Variants in SERGEF observed in about 807,000 individuals in gnomAD.
SERGEF encodes secretion-regulating guanine nucleotide exchange factor.
In SERGEF, 51 loss-of-function variants were observed where a neutral mutation model predicts 50.0. The observed-to-expected ratio is 1.02, with a 90% CI of 0.81 to 1.29. The LOEUF (loss-of-function observed/expected upper bound fraction) is 1.29. Among genes scored for constraint, SERGEF ranks in the 50% most tolerant of loss-of-function variants. SERGEF has a pLI of 0.00. For synonymous variants in SERGEF, 205 were observed against 212.4 expected (o/e 0.97, Z 0.30); for missense variants, 521 against 557.0 (o/e 0.94, Z 0.65).
chr11:17,890,659 G>A (rs1003103024), intron 9 of SERGEF, among the ~76,000 whole-genome samples: 3 of 152,112 alleles, frequency 2.0e-5, no homozygotes, highest in Non-Finnish European at 4.4e-5. Flanking sequence ...GGGCTCAAGC[G>A]ATACTCCCAC....
intron 10 of SERGEF, among the ~76,000 whole-genome samples, chr11:17,820,718 G>C (rs1030501362): frequency 6.6e-6 from 1 of 152,138 alleles, no homozygotes; most frequent in African/African-American, 2.4e-5. Flanking sequence ...ATGGAAAAAG[G>C]GTCTTTGCAC....
chr11:17,946,006 C>A (rs2133959865), intron 9 of SERGEF, among the ~76,000 whole-genome samples: 1 of 151,974 alleles, frequency 6.6e-6, no homozygotes, highest in Non-Finnish European at 1.5e-5. Context: ...AAAACAAAAA[C>A]TCAAAGGTGA....
At chr11:17,906,700 T>C (rs1851848649) in intron 9 of SERGEF, among the ~76,000 whole-genome samples, 1 of 152,156 alleles carries the variant, frequency 6.6e-6, no homozygotes, top group Admixed American at 6.5e-5. Context: ...AATCAGATAC[T>C]GCAGCCGGCA....
chr11:17,857,486 TA>T (rs1850843477), intron 10 of SERGEF, among the ~76,000 whole-genome samples: 1 of 152,218 alleles, frequency 6.6e-6, no homozygotes, highest in Non-Finnish European at 1.5e-5. Context: ...ATTAAAATTT[TA>T]AAAAGCATCT....
intron 10 of SERGEF, among the ~76,000 whole-genome samples, chr11:17,852,524 G>A (rs1352401109): frequency 6.6e-6 from 1 of 152,184 alleles, no homozygotes; most frequent in Non-Finnish European, 1.5e-5. Flanking sequence ...TTTGGCTCAG[G>A]TAGGTGGAAT....
Position 17,790,385 on chromosome 11 carries a change from G to A in SERGEF, c.1049-1972C>T, listed in dbSNP as rs942284506. Among the ~76,000 whole-genome samples the A allele has an allele frequency of 4.7e-5, 7 of 150,158 alleles. No individual in the cohort carries two copies. The East Asian group carries it at 5.8e-4, about 13-fold the overall frequency. ...GCTCTTTACACTCATCATTGTTTTC[G>A]AAATTTATCTGAGCTGGTAGTTACA... On this transcript the variant is annotated intron_variant, in intron 10 of 10. Transcript: ENST00000265965.
chr11:17,863,983 G>A (rs1404048692), intron 10 of SERGEF, among the ~76,000 whole-genome samples: 2 of 152,236 alleles, frequency 1.3e-5, no homozygotes, highest in African/African-American at 4.8e-5. Flanking sequence ...ACATTTCCCA[G>A]ATGGGGATTC....
intron 9 of SERGEF, among the ~76,000 whole-genome samples, chr11:17,946,108 A>G (rs1852655752): frequency 6.6e-6 from 1 of 152,206 alleles, no homozygotes; most frequent in African/African-American, 2.4e-5. Flanking sequence ...ACTGCTTCTC[A>G]TTATACAGAT....
At chr11:17,998,842 A>C (rs534684322) in intron 5 of SERGEF, among the ~76,000 whole-genome samples, 30 of 151,514 alleles carry the variant, frequency 2.0e-4, no homozygotes, top group African/African-American at 6.8e-4. Flanking sequence ...AAAAAAAAAA[A>C]AACTCACGAG....
intron 9 of SERGEF, among the ~76,000 whole-genome samples, chr11:17,955,411 A>G (rs1482981565): frequency 1.3e-5 from 2 of 152,186 alleles, no homozygotes; most frequent in Non-Finnish European, 2.9e-5. Flanking sequence ...ACAGGTGTCA[A>G]CCAATGTTTA....
chr11:17,817,273 G>A (rs187138718), intron 10 of SERGEF, among the ~76,000 whole-genome samples: 2 of 150,162 alleles, frequency 1.3e-5, no homozygotes, highest in African/African-American at 2.5e-5. Context: ...AGAATGCAGT[G>A]GCGCGATCTT....
intron 9 of SERGEF, among the ~76,000 whole-genome samples, chr11:17,958,184 G>A (rs765963365): frequency 3.3e-5 from 5 of 152,308 alleles, no homozygotes; most frequent in Admixed American, 2.0e-4. Flanking sequence ...ATTGAGAAGC[G>A]TCCTACATAC....
At chr11:17,865,176 G>T (rs1183565449) in intron 10 of SERGEF, among the ~76,000 whole-genome samples, 1 of 152,130 alleles carries the variant, frequency 6.6e-6, no homozygotes, top group East Asian at 1.9e-4. Flanking sequence ...TGCCATAGTA[G>T]CTGTGATAAT....
intron 10 of SERGEF, among the ~76,000 whole-genome samples, chr11:17,833,165 TG>T (rs1850340848): frequency 6.6e-6 from 1 of 152,188 alleles, no homozygotes; most frequent in African/African-American, 2.4e-5. Context: ...TTTTGTGGGC[TG>T]GGAGCAGGGT....
At chr11:17,863,428 G>A (rs977740076) in intron 10 of SERGEF, 9 of 152,314 alleles carry the variant, frequency 5.9e-5, no homozygotes, top group Middle Eastern at 3.4e-3. Context: ...CTGACCACTT[G>A]TCCCTCAACC....
At chr11:17,918,241 C>A (rs979318728) in intron 9 of SERGEF, among the ~76,000 whole-genome samples, 1 of 152,186 alleles carries the variant, frequency 6.6e-6, no homozygotes, top group African/African-American at 2.4e-5. Context: ...CAGTCCCCAA[C>A]TTATGAATGA....
chr11:17,943,582 T>C (rs1332852716), intron 9 of SERGEF, among the ~76,000 whole-genome samples: 1 of 152,200 alleles, frequency 6.6e-6, no homozygotes, highest in Non-Finnish European at 1.5e-5. Flanking sequence ...CTTTATTATT[T>C]TCTTCTTTCT....
At chr11:17,855,646 G>C (rs1850804388) in intron 10 of SERGEF, 2 of 152,198 alleles carry the variant, frequency 1.3e-5, no homozygotes, top group Non-Finnish European at 2.9e-5. Flanking sequence ...TGAAACTTTT[G>C]CATTATTTCT....
intron 4 of SERGEF, among the ~76,000 whole-genome samples, chr11:18,003,611 G>C (rs1854011676): frequency 6.6e-6 from 1 of 152,240 alleles, no homozygotes; most frequent in Non-Finnish European, 1.5e-5. Context: ...GGCCGAGGCA[G>C]GGAACTGCTT....
Sources: gnomAD v4.1 joint callset for allele counts (sites outside exome capture counted in the v4.1 genomes callset) on GRCh38, gnomAD v4.1.1 for gene constraint, MANE v1.5 for transcripts, NCBI Gene and HGNC (gene_info 2026-07-23, HGNC 2026-07-21) for gene names.